CSF2RA: variants seen among roughly 807,000 people sequenced by gnomAD.
The protein encoded by CSF2RA is granulocyte-macrophage colony-stimulating factor receptor subunit alpha.
CSF2RA carries 42 observed loss-of-function variants against 51.6 expected under a neutral mutation model. That is an observed-to-expected ratio of 0.81 (90% CI 0.64 to 1.05). The LOEUF (loss-of-function observed/expected upper bound fraction) is 1.05. Among genes scored for constraint, CSF2RA ranks in the 50% least tolerant of loss-of-function variants. The pLI is 0.00. For synonymous variants in CSF2RA, 222 were observed against 193.0 expected (o/e 1.15, Z -1.24); for missense variants, 530 against 501.1 (o/e 1.06, Z -0.55).
At chrX:1,288,274 G>T (rs112156876) in intron 4 of CSF2RA, among the ~76,000 whole-genome samples, 1 of 139,100 alleles carries the variant, frequency 7.2e-6, no homozygotes, top group Non-Finnish European at 1.6e-5. Context: ...CTGAGGTCAG[G>T]AGTTTGAGAC....
chrX:1,324,479 AG>A, the CSF2RA span, among the ~76,000 whole-genome samples: 1 of 129,770 alleles, frequency 7.7e-6, no homozygotes, highest in Non-Finnish European at 1.6e-5. Flanking sequence ...CAAGCAAGCA[AG>A]CAGGGAGGGA....
chrX:1,301,747 T>C (rs1261271871), intron 10 of CSF2RA, among the ~76,000 whole-genome samples: 43 of 149,024 alleles, frequency 2.9e-4, no homozygotes, highest in Admixed American at 2.7e-4. Context: ...CAGGTGCCCA[T>C]CACCACGCCT....
chrX:1,275,088 C>A (rs868728060), intron 2 of CSF2RA, among the ~76,000 whole-genome samples: 498 of 118,068 alleles, frequency 4.2e-3, no homozygotes, highest in Middle Eastern at 9.3e-3. Context: ...ATGAACCTGT[C>A]AAAAAAAAAA....
At chrX:1,279,573 A>C (rs2089629619) in intron 2 of CSF2RA, among the ~76,000 whole-genome samples, 1 of 151,454 alleles carries the variant, frequency 6.6e-6, no homozygotes. Context: ...AGTGCCCAGA[A>C]ACACCTGCAA....
At position 1,304,815 on chromosome X, in the gene CSF2RA, C is replaced by A. The variant is rs189862151; in HGVS notation, c.1044-631C>A. Among the ~76,000 whole-genome samples, 24 of 150,876 alleles carry A rather than the reference C, an allele frequency of 1.6e-4. No individual in the cohort carries two copies. The East Asian group carries it at 3.7e-3, about 23-fold the overall frequency. ...GAGTAGCTGGGATTACAGGCATGCA[C>A]CACGATGCTCACCTAATTTTTGTAT... On this transcript the variant is annotated intron_variant, in intron 11 of 12. Transcript: ENST00000381529.
Position 1,294,443 on chromosome X carries a change from G to C in CSF2RA, c.762G>C (p.Gln254His), listed in dbSNP as rs1189606596. ...TGTCGTACCTGGACTTTCAGTACCA[G>C]CTGGACGTCCACAGAAAGGTCGGTG... ...QKLSYLDFQY[Q>H]LDVHRKNTQP... Residue 254 changes from glutamine to histidine, a missense_variant, in exon 8 of 13, where the codon CAG becomes CAC. Physicochemically the swap from Gln to His is conservative, Grantham distance 24. Transcript: ENST00000381529. 6.2e-7 allele frequency: 1 copy of C among 1,611,038 alleles called. No homozygotes were observed. The highest frequency in any genetic ancestry group is 8.5e-7 in the Non-Finnish European group (1 of 1,179,834).
chrX:1,294,796 C>A lies in CSF2RA; in HGVS notation c.780+335C>A, dbSNP rs752596574. The stretch of plus-strand genomic sequence containing the variant: ...GACGCAGTGTAGACAGAAGGAGACC[C>A]TGCCCCATGTCTACCTGGACCCAGT... On this transcript the variant is annotated intron_variant, in intron 8 of 12. Transcript: ENST00000381529. 5.2e-3 allele frequency among the ~76,000 whole-genome samples: 784 copies of A among 151,868 alleles called. 4 individuals are homozygous for A. Among genetic ancestry groups the A allele is most frequent in the Non-Finnish European group, 9.4e-3 (637 of 67,926 alleles).
At chrX:1,311,811 G>A (rs2084204929), downstream of CSF2RA, among the ~76,000 whole-genome samples, 1 of 152,076 alleles carries the variant, frequency 6.6e-6, no homozygotes, top group African/African-American at 2.4e-5. Flanking sequence ...AACAGACTAA[G>A]ACGAGACGGA....
chrX:1,314,983 C>T (rs867699225), downstream of CSF2RA, among the ~76,000 whole-genome samples: 56 of 112,734 alleles, frequency 5.0e-4, no homozygotes, highest in Admixed American at 3.5e-3. Flanking sequence ...CCTGCCCAAT[C>T]GCACTGCACC....
chrX:1,288,593 G>A lies in CSF2RA; in HGVS notation c.294G>A (p.Val98=), dbSNP rs1450948201. 4.3e-6 allele frequency: 7 copies of A among 1,613,954 alleles called. No homozygotes were observed. In the South Asian group the frequency reaches 4.4e-5, roughly 10 times the overall value. Residue 98 remains valine (V), a synonymous_variant, in exon 5 of 13, where the codon GTG becomes GTA. Transcript: ENST00000381529. ...AAGGAGTCACATTTGAGGTTCACGT[G>A]AATACTAGTCAAAGAGGATTTCAAC... is the stretch of plus-strand genomic sequence containing the variant. ...LHEGVTFEVH[V]NTSQRGFQQK...
intron 2 of CSF2RA, 44 bp from the exon 3 acceptor site, chrX:1,282,634 G>A: frequency 7.1e-7 from 1 of 1,409,346 alleles, no homozygotes; most frequent in Admixed American, 1.7e-5. Context: ...GGAATGTCCT[G>A]GGAGAGGCAA....
At chrX:1,291,259 C>A (rs2091364583) in intron 7 of CSF2RA, among the ~76,000 whole-genome samples, 1 of 105,530 alleles carries the variant, frequency 9.5e-6, no homozygotes, top group African/African-American at 3.0e-5. Context: ...TTCCTCCCTG[C>A]CTTTCTGCCT....
rs1470558498 is a variant in CSF2RA, at chrX:1,273,497, T to TG, written c.-90-1257dup. On this transcript the variant is annotated intron_variant, in intron 1 of 12. Coordinates refer to ENST00000381529, the MANE Select transcript of CSF2RA (RefSeq NM_172245.4). ...GCCCAGATAATTGTTTTTTGTTTTT[T>TG]GTTTTTTTTTTAGTAGAGATGGGGT... Among the ~76,000 whole-genome samples, 4 of 150,842 alleles carry TG rather than the reference T, an allele frequency of 2.7e-5. No homozygotes were observed. In the East Asian group the frequency reaches 8.6e-4, roughly 32 times the overall value.
chrX:1,318,979 A>ATTTTAT, the CSF2RA span, among the ~76,000 whole-genome samples: 3 of 149,952 alleles, frequency 2.0e-5, no homozygotes, highest in African/African-American at 7.3e-5. Context: ...ATGATCCTTT[A>ATTTTAT]TTTATTTTAT....
chrX:1,299,666 C>T (rs2092241139), intron 9 of CSF2RA, among the ~76,000 whole-genome samples: 2 of 152,178 alleles, frequency 1.3e-5, no homozygotes. Context: ...GCCTGTCATC[C>T]CAGCACCTTG....
At chrX:1,283,123 GTTCCTTCCTTCCTTCCTTCC>G (rs747822328) in intron 3 of CSF2RA, among the ~76,000 whole-genome samples, 48 of 94,766 alleles carry the variant, frequency 5.1e-4, no homozygotes, top group African/African-American at 1.5e-3. Context: ...TCGTTCCTTC[GTTCCTTCCTTCCTTCCTTCC>G]TTCCTTCCTT....
chrX:1,275,125 G>C (rs2089007156), intron 2 of CSF2RA, among the ~76,000 whole-genome samples: 1 of 151,468 alleles, frequency 6.6e-6, no homozygotes, highest in African/African-American at 2.4e-5. Flanking sequence ...GGGCGCAGTG[G>C]CTCAAGCCTG....
chrX:1,273,059 A>T (rs1215541248), intron 1 of CSF2RA, among the ~76,000 whole-genome samples: 1 of 151,636 alleles, frequency 6.6e-6, no homozygotes, highest in African/African-American at 2.4e-5. Flanking sequence ...ACCTCAAGTG[A>T]TCCACACGCC....
chrX:1,270,344 A>G (rs1426656095), intron 1 of CSF2RA, among the ~76,000 whole-genome samples: 4 of 151,958 alleles, frequency 2.6e-5, no homozygotes, highest in African/African-American at 7.2e-5. Flanking sequence ...GGCTCAAGCA[A>G]TCCTCCCATC....
Sources: allele counts gnomAD v4.1 joint callset (sites outside exome capture counted in the v4.1 genomes callset), GRCh38; gene constraint gnomAD v4.1.1; transcripts MANE v1.5; gene names NCBI Gene and HGNC (gene_info 2026-07-23, HGNC 2026-07-21).